TRMT9B: variants seen among roughly 807,000 people sequenced by gnomAD.
The protein encoded by TRMT9B is probable tRNA methyltransferase 9B.
TRMT9B carries 16 observed loss-of-function variants against 11.5 expected under a neutral mutation model. The observed-to-expected ratio is 1.39, with a 90% CI of 0.94 to 2.11. The LOEUF is 2.11. TRMT9B is among the 30% of genes most tolerant of loss of function. TRMT9B has a pLI of 0.00. For missense variants in TRMT9B, 941 were observed against 553.8 expected (o/e 1.70, Z -7.02); for synonymous variants, 274 against 192.4 (o/e 1.42, Z -3.51).
intron 1 of TRMT9B, among the ~76,000 whole-genome samples, chr8:12,964,770 T>C (rs1372172141): frequency 6.6e-6 from 1 of 152,068 alleles, no homozygotes; most frequent in Non-Finnish European, 1.5e-5. Flanking sequence ...GTTTGTTTTG[T>C]TTGTAAAGAT....
intron 1 of TRMT9B, among the ~76,000 whole-genome samples, chr8:12,978,951 A>T (rs1261843497): frequency 6.6e-6 from 1 of 152,204 alleles, no homozygotes; most frequent in Non-Finnish European, 1.5e-5. Context: ...TGCCTTCTAA[A>T]TTCAATGGGC....
intron 1 of TRMT9B, chr8:12,970,006 T>C (rs1320185358): frequency 6.6e-6 from 1 of 152,120 alleles, no homozygotes; most frequent in African/African-American, 2.4e-5. Context: ...GTTGGTCAGA[T>C]TGGTCCGTGT....
intron 3 of TRMT9B, among the ~76,000 whole-genome samples, chr8:13,009,342 AAAAAG>A (rs1197133082): frequency 6.6e-6 from 1 of 152,332 alleles, no homozygotes; most frequent in Non-Finnish European, 1.5e-5. Context: ...CAAAGGAAAA[AAAAAG>A]GGAAAACTAT....
chr8:12,998,229 G>A (rs1257517173), intron 2 of TRMT9B, among the ~76,000 whole-genome samples: 2 of 152,060 alleles, frequency 1.3e-5, no homozygotes, highest in Non-Finnish European at 2.9e-5. Flanking sequence ...TTTTAATATA[G>A]TCTACTTTAT....
In TRMT9B at chr8:13,021,607, G is replaced by T; in HGVS notation, c.928G>T (p.Glu310Ter). The change falls in exon 5 of 5, where the codon GAA (glutamate) becomes TAA (stop). Residue 310 changes from glutamate (E) to a stop codon, truncating the protein, a stop_gained. Coordinates refer to ENST00000524591, the MANE Select transcript of TRMT9B (RefSeq NM_020844.3). LOFTEE classifies it low-confidence loss of function (END_TRUNC). ...FSTKGQSLDE[E>*]VFVESSSGKH... Reference sequence around the variant, plus strand: ...AACAAAAGGGCAAAGTTTAGATGAGGAAGTGTTTGTGGAATCTTCTTCTGG... The same window carrying T: ...AACAAAAGGGCAAAGTTTAGATGAGTAAGTGTTTGTGGAATCTTCTTCTGG... The T allele has an allele frequency of 6.2e-7, 1 of 1,613,896 alleles. No individual in the cohort carries two copies. The highest frequency in any genetic ancestry group is 8.5e-7 in the Non-Finnish European group (1 of 1,179,844).
At chr8:13,009,370 AG>A (rs1223591883) in intron 3 of TRMT9B, among the ~76,000 whole-genome samples, 1 of 152,234 alleles carries the variant, frequency 6.6e-6, no homozygotes, top group East Asian at 1.9e-4. Flanking sequence ...ACAAGTCACA[AG>A]AAAAATAGGG....
chr8:13,001,398 GA>G (rs1809425385), intron 2 of TRMT9B, among the ~76,000 whole-genome samples: 2 of 152,158 alleles, frequency 1.3e-5, no homozygotes, highest in South Asian at 4.1e-4. Flanking sequence ...GAGCAACTCT[GA>G]TGCGCATCCT....
intron 4 of TRMT9B, among the ~76,000 whole-genome samples, chr8:13,014,188 C>G (rs1484248725): frequency 6.6e-6 from 1 of 152,186 alleles, no homozygotes; most frequent in Non-Finnish European, 1.5e-5. Context: ...GAGATGGTTG[C>G]TATGGAAACT....
chr8:12,949,885 C>A (rs998796498), intron 1 of TRMT9B, among the ~76,000 whole-genome samples: 26 of 152,208 alleles, frequency 1.7e-4, no homozygotes, highest in African/African-American at 6.3e-4. Context: ...GAGATAGGTT[C>A]TCTGTCACCC....
intron 1 of TRMT9B, among the ~76,000 whole-genome samples, chr8:12,989,997 G>A (rs547867793): frequency 6.6e-6 from 1 of 152,176 alleles, no homozygotes; most frequent in African/African-American, 2.4e-5. Flanking sequence ...TAGGGGCCAG[G>A]ACTAGGGTTG....
chr8:12,980,525 G>T (rs1000943627), intron 1 of TRMT9B, among the ~76,000 whole-genome samples: 1 of 152,150 alleles, frequency 6.6e-6, no homozygotes, highest in Non-Finnish European at 1.5e-5. Context: ...TGTCTATGGT[G>T]AGAGGCAAGG....
At chr8:13,012,129 A>G in intron 3 of TRMT9B, 3 of 985,642 alleles carry the variant, frequency 3.0e-6, no homozygotes, top group Non-Finnish European at 3.6e-6. Context: ...AGCCCTGTGG[A>G]CATCACCTCA....
At chr8:12,991,790 G>T (rs368051719) in intron 2 of TRMT9B, among the ~76,000 whole-genome samples, 20 of 152,210 alleles carry the variant, frequency 1.3e-4, no homozygotes, top group African/African-American at 4.6e-4. Flanking sequence ...ACTTAGCCAG[G>T]CGTGGTGGTG....
Position 13,021,218 on chromosome 8 carries a change from A to C in TRMT9B, c.539A>C (p.Gln180Pro). ...TCCAGCCAGTCTGGGAGGAAGAGGCAGTGTGGATACCCAGAAAGAGGCCAT... is the reference window on the plus strand; with the variant it reads ...TCCAGCCAGTCTGGGAGGAAGAGGCCGTGTGGATACCCAGAAAGAGGCCAT... ...SESSQSGRKR[Q>P]CGYPERGHPY... Residue 180 changes from glutamine (Q) to proline (P), a missense_variant, in exon 5 of 5, where the codon CAG (glutamine) becomes CCG (proline). Transcript: ENST00000524591. The C allele has an allele frequency of 6.2e-7, 1 of 1,613,876 alleles. No individual in the cohort carries two copies. The highest frequency in any genetic ancestry group is 8.5e-7 in the Non-Finnish European group (1 of 1,179,804).
At chr8:13,004,602 G>A (rs1810075883) in intron 2 of TRMT9B, among the ~76,000 whole-genome samples, 1 of 151,958 alleles carries the variant, frequency 6.6e-6, no homozygotes, top group Admixed American at 6.6e-5. Flanking sequence ...GAAGGACCTA[G>A]TCCTGTCAGG....
At chr8:13,011,840 A>G (rs1216023118) in intron 3 of TRMT9B, 47 of 968,992 alleles carry the variant, frequency 4.9e-5, no homozygotes, top group Non-Finnish European at 5.6e-5. Context: ...GATAAAAACA[A>G]TGTTAAAAAT....
chr8:13,013,956 T>C (rs1002871864), intron 4 of TRMT9B, among the ~76,000 whole-genome samples: 1 of 151,688 alleles, frequency 6.6e-6, no homozygotes, highest in Non-Finnish European at 1.5e-5. Flanking sequence ...CTCAAAAAAA[T>C]AAAAAAAATA....
At chr8:12,980,633 T>G (rs1399926375) in intron 1 of TRMT9B, among the ~76,000 whole-genome samples, 1 of 152,066 alleles carries the variant, frequency 6.6e-6, no homozygotes, top group Non-Finnish European at 1.5e-5. Flanking sequence ...ACAGCACTAG[T>G]GCCAAAGCCT....
At chr8:12,946,423 G>C (rs1301484835) in intron 1 of TRMT9B, among the ~76,000 whole-genome samples, 2 of 152,124 alleles carry the variant, frequency 1.3e-5, no homozygotes, top group Non-Finnish European at 1.5e-5. Context: ...GGTCACCCAT[G>C]GGCTATGAAG....
Sources: allele counts gnomAD v4.1 joint callset (sites outside exome capture counted in the v4.1 genomes callset), GRCh38; gene constraint gnomAD v4.1.1; transcripts MANE v1.5; gene names NCBI Gene and HGNC (gene_info 2026-07-23, HGNC 2026-07-21).